LPP: variants seen among roughly 807,000 people sequenced by gnomAD.
LPP encodes lipoma-preferred partner.
Under a neutral mutation model 60.4 loss-of-function variants are expected in LPP, and 38 were observed. That is an observed-to-expected ratio of 0.63 (90% CI 0.49 to 0.83). The LOEUF is 0.83. LPP is among the 40% of genes least tolerant of loss of function. The pLI, the probability that LPP is intolerant of heterozygous loss-of-function variation, is 0.00. For synonymous variants in LPP, 328 were observed against 290.8 expected, an observed-to-expected ratio of 1.13 and a Z score of -1.30; for missense variants, 902 against 783.6, an observed-to-expected ratio of 1.15 and a Z score of -1.80.
intron 7 of LPP, among the ~76,000 whole-genome samples, chr3:188,654,470 C>T (rs6444313): frequency 0.99 from 150,419 of 152,328 alleles, 74,289 homozygotes; most frequent in East Asian, 1. Flanking sequence ...GATTCTTACA[C>T]ACCTTAGGGT....
chr3:188,368,680 T>A lies in LPP; in HGVS notation c.-10+26961T>A, dbSNP rs201387099. Among the ~76,000 whole-genome samples, 222 of 95,320 alleles carry A rather than the reference T, an allele frequency of 2.3e-3. 2 individuals are homozygous for A. Among genetic ancestry groups the A allele is most frequent in the African/African-American group, 4.9e-3 (117 of 24,052 alleles). 62.5% of individuals were successfully genotyped at this position (95,320 alleles called of 152,430 possible). The stretch of plus-strand genomic sequence containing the variant: ...TGTTATACTACAAACACACACACAC[T>A]CTCACACACACACACACACACACAC... On this transcript the variant is annotated intron_variant, in intron 3 of 11. Transcript: ENST00000617246.
At position 188,885,617 on chromosome 3, in the gene LPP, A is replaced by G. The variant is rs1232676971; in HGVS notation, c.*11138A>G. ...TAAACATAAGTGTGCATGTGTCTTT[A>G]TAGCAGCATGATTTATAATCCTTTG... is the stretch of plus-strand genomic sequence containing the variant. On this transcript the variant is annotated 3_prime_UTR_variant, in exon 12 of 12. Transcript: ENST00000617246. 2 of 158,084 alleles carry G rather than the reference A, an allele frequency of 1.3e-5. No individual in the cohort carries two copies. Among genetic ancestry groups the G allele is most frequent in the African/African-American group, 4.8e-5 (2 of 41,630 alleles). 9.8% of individuals were successfully genotyped at this position (158,084 alleles called of 1,614,324 possible). A position where few individuals can be genotyped will look rare whatever the true frequency, so the allele number is the denominator to read the frequency against.
intron 9 of LPP, among the ~76,000 whole-genome samples, chr3:188,770,912 T>C (rs1444704374): frequency 6.6e-6 from 1 of 152,196 alleles, no homozygotes; most frequent in East Asian, 1.9e-4. Context: ...TGTTATATGT[T>C]CTCACATCTG....
At chr3:188,453,328 G>T (rs1029020529) in intron 4 of LPP, among the ~76,000 whole-genome samples, 4 of 151,970 alleles carry the variant, frequency 2.6e-5, no homozygotes, top group Non-Finnish European at 2.9e-5. Flanking sequence ...TTTGAGACAG[G>T]GTCTCACTCC....
rs545557532 is a variant in LPP at position 188,639,755 on chromosome 3, A to C, written c.1113+29911A>C. On this transcript the variant is annotated intron_variant, in intron 7 of 11. Transcript: ENST00000617246. ...AGAAGACATTTATGCAGCCAAAAAA[A>C]CACATGAAAAAATGCTCATCATTAC... is the stretch of plus-strand genomic sequence containing the variant. Among the ~76,000 whole-genome samples, 73 of 152,368 alleles carry C rather than the reference A, an allele frequency of 4.8e-4. 1 individual carries two copies. The highest frequency in any genetic ancestry group is 1.7e-3 in the African/African-American group (71 of 41,584).
chr3:188,579,204 AAGC>A (rs1835464365), intron 6 of LPP, among the ~76,000 whole-genome samples: 1 of 152,200 alleles, frequency 6.6e-6, no homozygotes, highest in African/African-American at 2.4e-5. Context: ...ATCCTGCCAA[AAGC>A]ATCCCAGGGG....
intron 6 of LPP, among the ~76,000 whole-genome samples, chr3:188,567,495 GA>G (rs1315142553): frequency 2.0e-5 from 3 of 150,224 alleles, no homozygotes; most frequent in Admixed American, 2.0e-4. Flanking sequence ...GGTTAGTAGG[GA>G]AAAAAAAAGA....
chr3:188,659,330 T>C (rs1475830171), intron 7 of LPP, among the ~76,000 whole-genome samples: 1 of 152,218 alleles, frequency 6.6e-6, no homozygotes, highest in Non-Finnish European at 1.5e-5. Flanking sequence ...CAGTCATTAA[T>C]TACATGTTAC....
Position 188,572,458 on chromosome 3 carries a change from A to G in LPP, c.430-36703A>G, listed in dbSNP as rs1238697256. On this transcript the variant is annotated intron_variant, in intron 6 of 11. Coordinates refer to ENST00000617246, the MANE Select transcript of LPP (RefSeq NM_001375462.1). This position sits in a 1 kb window ranked among gnomAD's most constrained non-coding sequence, Gnocchi z 4.1. The stretch of plus-strand genomic sequence containing the variant: ...GGTAGAGGTTAATGTCGGTAGACAC[A>G]TTATTAGAGTTAAGGGTCCTAAGGC... Among the ~76,000 whole-genome samples, 2 of 152,066 alleles carry G rather than the reference A, an allele frequency of 1.3e-5. No homozygotes were observed. The highest frequency in any genetic ancestry group is 2.4e-5 in the African/African-American group (1 of 41,410).
intron 8 of LPP, among the ~76,000 whole-genome samples, chr3:188,756,173 C>T (rs1456837082): frequency 1.3e-5 from 2 of 152,028 alleles, no homozygotes; most frequent in Non-Finnish European, 2.9e-5. Flanking sequence ...GATGGGAGAG[C>T]AGAGGTGAAG....
intron 6 of LPP, among the ~76,000 whole-genome samples, chr3:188,561,642 A>G (rs1485756063): frequency 6.6e-6 from 1 of 152,022 alleles, no homozygotes; most frequent in Non-Finnish European, 1.5e-5. Context: ...ATTGAAGTAG[A>G]TCATTTCTAA....
At chr3:188,171,990 C>T (rs950856934) in intron 1 of LPP, among the ~76,000 whole-genome samples, 1 of 152,150 alleles carries the variant, frequency 6.6e-6, no homozygotes, top group African/African-American at 2.4e-5. Flanking sequence ...GGATGATATG[C>T]CAGAGAGGGC....
chr3:188,729,945 A>C (rs951859879), intron 8 of LPP, among the ~76,000 whole-genome samples: 10 of 152,110 alleles, frequency 6.6e-5, no homozygotes, highest in African/African-American at 1.2e-4. Flanking sequence ...AGCTGTGACC[A>C]TGCCACTGCA....
intron 7 of LPP, among the ~76,000 whole-genome samples, chr3:188,697,075 T>G (rs1305082212): frequency 6.6e-6 from 1 of 152,240 alleles, no homozygotes; most frequent in Non-Finnish European, 1.5e-5. Context: ...AAACATGTTC[T>G]TGTTATTTTC....
chr3:188,462,713 T>C (rs1291602349), intron 4 of LPP, among the ~76,000 whole-genome samples: 2 of 151,016 alleles, frequency 1.3e-5, no homozygotes, highest in Non-Finnish European at 3.0e-5. Context: ...GTTTTTTAAA[T>C]TATTCAAGTT....
chr3:188,406,969 A>C (rs1309207943), intron 4 of LPP, among the ~76,000 whole-genome samples: 1 of 152,150 alleles, frequency 6.6e-6, no homozygotes, highest in African/African-American at 2.4e-5. Context: ...CTCACACACG[A>C]AGCCTCAGAG....
At chr3:188,794,273 A>G (rs1744682605) in intron 9 of LPP, among the ~76,000 whole-genome samples, 1 of 152,266 alleles carries the variant, frequency 6.6e-6, no homozygotes, top group Admixed American at 6.5e-5. Context: ...AGTGAGGCCC[A>G]GACATGGGCA....
rs115049417 is a variant in LPP at position 188,610,795 on chromosome 3, A to G, written c.1113+951A>G. On this transcript the variant is annotated intron_variant, in intron 7 of 11. Coordinates refer to ENST00000617246, the MANE Select transcript of LPP (RefSeq NM_001375462.1). This position sits in a 1 kb window ranked among gnomAD's most constrained non-coding sequence, Gnocchi z 4.4. ...GAGGAACCAATAAGAATAACTTGGA[A>G]TCGGTGAAAATAGAGGAACTGAGCC... Among the ~76,000 whole-genome samples, 692 of 152,298 alleles carry G rather than the reference A, an allele frequency of 4.5e-3. 3 individuals carry two copies. Among genetic ancestry groups the G allele is most frequent in the African/African-American group, 0.016 (657 of 41,570 alleles).
chr3:188,515,173 C>T (rs996882013), intron 5 of LPP, among the ~76,000 whole-genome samples: 1 of 152,116 alleles, frequency 6.6e-6, no homozygotes, highest in Non-Finnish European at 1.5e-5. Flanking sequence ...GGGAGATACT[C>T]GATCACAGAG....
Sources: gnomAD v4.1 joint callset for allele counts (sites outside exome capture counted in the v4.1 genomes callset) on GRCh38, gnomAD v4.1.1 for gene constraint, Gnocchi (gnomAD v3.1) non-coding constraint, MANE v1.5 for transcripts, NCBI Gene and HGNC (gene_info 2026-07-23, HGNC 2026-07-21) for gene names.